The following KCNH8 variants were observed in gnomAD, a reference collection of about 807,000 sequenced individuals.
The protein encoded by KCNH8 is potassium voltage-gated channel subfamily H member 8, also known as voltage-gated delayed rectifier potassium channel KCNH8.
A neutral mutation model predicts 103.6 loss-of-function variants in KCNH8; 70 were observed. That is an observed-to-expected ratio of 0.68 (90% CI 0.56 to 0.82). KCNH8 has a LOEUF of 0.82. Ranked by LOEUF, KCNH8 falls within the 40% of genes least tolerant of loss-of-function variation. The probability of loss-of-function intolerance (pLI) is 0.00; values close to 1 mark genes in which losing one functional copy is unlikely to be tolerated. For missense variants in KCNH8, 1,217 were observed against 1,329.9 expected, an observed-to-expected ratio of 0.92 and a Z score of 1.32; for synonymous variants, 498 against 489.4, an observed-to-expected ratio of 1.02 and a Z score of -0.23.
At chr3:19,462,040 A>C (rs546034393) in intron 11 of KCNH8, among the ~76,000 whole-genome samples, 132 of 152,246 alleles carry the variant, frequency 8.7e-4, no homozygotes, top group African/African-American at 3.1e-3. Context: ...CCAGTCTATC[A>C]TTGTTGGACA....
Position 19,515,429 on chromosome 3 carries a change from GTA to G in KCNH8, c.2542+2_2542+3del, listed in dbSNP as rs2068857783. 7.5e-6 allele frequency: 11 copies of G among 1,472,540 alleles called. No homozygotes were observed. The highest frequency in any genetic ancestry group is 1.0e-5 in the Non-Finnish European group (11 of 1,088,670). 91.2% of individuals were successfully genotyped at this position (1,472,540 alleles called of 1,614,324 possible). On this transcript the variant is annotated splice_donor_variant and splice_donor_region_variant and intron_variant, in intron 14 of 15. Coordinates refer to ENST00000328405, the MANE Select transcript of KCNH8 (RefSeq NM_144633.3). LOFTEE classifies it high-confidence loss of function. ...CCCAGAATTTCTCCTCCTCTTGGAG[GTA>G]AGATCTATATTTAGTCTTCTCCTAA...
chr3:19,266,510 C>T (rs1466700094), intron 2 of KCNH8, among the ~76,000 whole-genome samples: 2 of 152,044 alleles, frequency 1.3e-5, no homozygotes, highest in African/African-American at 4.8e-5. Flanking sequence ...ACAGTGTTTC[C>T]ATGTGTCACA....
chr3:19,230,073 G>T (rs2063976811), intron 1 of KCNH8, among the ~76,000 whole-genome samples: 1 of 152,180 alleles, frequency 6.6e-6, no homozygotes, highest in Admixed American at 6.5e-5. Context: ...AAATGAGGAA[G>T]TTGCAAAAGG....
chr3:19,418,442 C>T (rs2066895001), intron 7 of KCNH8, among the ~76,000 whole-genome samples: 1 of 152,204 alleles, frequency 6.6e-6, no homozygotes, highest in Non-Finnish European at 1.5e-5. Context: ...AGTTTGGCCA[C>T]ATCTGAGTTT....
At chr3:19,301,175 G>A (rs180911350) in intron 3 of KCNH8, among the ~76,000 whole-genome samples, 1,830 of 151,562 alleles carry the variant, frequency 0.012, 18 homozygotes, top group Non-Finnish European at 0.018. Flanking sequence ...CTTGAGTCTC[G>A]ACTCCTACAA....
intron 12 of KCNH8, among the ~76,000 whole-genome samples, chr3:19,512,648 G>A (rs1462639895): frequency 3.3e-5 from 5 of 152,032 alleles, no homozygotes; most frequent in Non-Finnish European, 7.4e-5. Flanking sequence ...CAAATGACAG[G>A]CTGATTAAAA....
intron 7 of KCNH8, among the ~76,000 whole-genome samples, chr3:19,396,471 G>A (rs530747099): frequency 6.6e-6 from 1 of 151,986 alleles, no homozygotes. Context: ...TTATTTCTGA[G>A]CTACACAAAA....
chr3:19,291,718 C>G (rs2064929943), intron 3 of KCNH8, among the ~76,000 whole-genome samples: 1 of 152,086 alleles, frequency 6.6e-6, no homozygotes, highest in Admixed American at 6.6e-5. Flanking sequence ...AATGTATATT[C>G]TGTTGATTTG....
intron 3 of KCNH8, among the ~76,000 whole-genome samples, chr3:19,294,960 T>C (rs1388461273): frequency 6.6e-6 from 1 of 152,232 alleles, no homozygotes; most frequent in Non-Finnish European, 1.5e-5. Context: ...TCATTAGCCT[T>C]ATTTTTTATA....
At chr3:19,510,535 T>G (rs531611003) in intron 12 of KCNH8, 134 bp downstream of exon 12, 4 of 665,884 alleles carry the variant, frequency 6.0e-6, no homozygotes, top group Non-Finnish European at 1.1e-5. Flanking sequence ...ATAAGAGATG[T>G]GGCAACTGAC....
chr3:19,401,934 G>C (rs2066618899), intron 7 of KCNH8, among the ~76,000 whole-genome samples: 1 of 151,794 alleles, frequency 6.6e-6, no homozygotes, highest in South Asian at 2.1e-4. Flanking sequence ...TTGCTTAAGA[G>C]GAGAAAATAC....
At chr3:19,209,215 G>A (rs2063745720) in intron 1 of KCNH8, among the ~76,000 whole-genome samples, 1 of 151,964 alleles carries the variant, frequency 6.6e-6, no homozygotes, top group Non-Finnish European at 1.5e-5. Context: ...TTTGGCAATA[G>A]CTTTTAAAGC....
At chr3:19,413,566 A>G (rs1224349218) in intron 7 of KCNH8, among the ~76,000 whole-genome samples, 1 of 152,066 alleles carries the variant, frequency 6.6e-6, no homozygotes, top group Non-Finnish European at 1.5e-5. Flanking sequence ...AGAAAACAAG[A>G]GATTAGAACA....
At chr3:19,210,693 A>C (rs1439562642) in intron 1 of KCNH8, among the ~76,000 whole-genome samples, 1 of 152,132 alleles carries the variant, frequency 6.6e-6, no homozygotes, top group Non-Finnish European at 1.5e-5. Context: ...ATCAGTAAAA[A>C]AAAAAAATTT....
At chr3:19,395,806 C>G (rs1267465246) in intron 7 of KCNH8, among the ~76,000 whole-genome samples, 2 of 152,006 alleles carry the variant, frequency 1.3e-5, no homozygotes, top group Non-Finnish European at 2.9e-5. Context: ...AACACATTCT[C>G]CACATTTAGC....
intron 1 of KCNH8, among the ~76,000 whole-genome samples, chr3:19,155,640 CATTCTAA>C (rs1356687846): frequency 6.6e-6 from 1 of 152,194 alleles, no homozygotes; most frequent in Non-Finnish European, 1.5e-5. Flanking sequence ...CACACATACT[CATTCTAA>C]ATTCCCTGCT....
chr3:19,308,719 CCCCTCTCT>C (rs1374373114), intron 3 of KCNH8, among the ~76,000 whole-genome samples: 942 of 12,204 alleles, frequency 0.077, 121 homozygotes, highest in Middle Eastern at 0.12. Context: ...TCTCTCTCTC[CCCCTCTCT>C]CCCTCTCTCC....
intron 11 of KCNH8, among the ~76,000 whole-genome samples, chr3:19,508,937 C>A (rs1000376214): frequency 6.6e-6 from 1 of 152,192 alleles, no homozygotes; most frequent in Non-Finnish European, 1.5e-5. Flanking sequence ...CTAACGGTAT[C>A]TGTGATTGGA....
chr3:19,430,827 T>C (rs1308345898), intron 7 of KCNH8, among the ~76,000 whole-genome samples: 1 of 152,186 alleles, frequency 6.6e-6, no homozygotes, highest in African/African-American at 2.4e-5. Context: ...CTTTTGCACA[T>C]TGATTTTGTA....
Sources: allele counts gnomAD v4.1 joint callset (sites outside exome capture counted in the v4.1 genomes callset), GRCh38; gene constraint gnomAD v4.1.1; transcripts MANE v1.5; gene names NCBI Gene and HGNC (gene_info 2026-07-23, HGNC 2026-07-21).